ASB5: variants seen among roughly 807,000 people sequenced by gnomAD.
The protein encoded by ASB5 is ankyrin repeat and SOCS box protein 5.
A neutral mutation model predicts 42.1 loss-of-function variants in ASB5; 45 were observed. The observed-to-expected ratio is 1.07, with a 90% CI of 0.84 to 1.37. The LOEUF (loss-of-function observed/expected upper bound fraction) is 1.37. Ranked by LOEUF, ASB5 falls within the 40% of genes most tolerant of loss-of-function variation. The pLI, the probability that ASB5 is intolerant of heterozygous loss-of-function variation, is 0.00. For missense variants in ASB5, 402 were observed against 399.8 expected, an observed-to-expected ratio of 1.01 and a Z score of -0.05; for synonymous variants, 147 against 150.6, an observed-to-expected ratio of 0.98 and a Z score of 0.18.
At chr4:176,252,650 T>C (rs529798736) in intron 1 of ASB5, among the ~76,000 whole-genome samples, 2 of 152,348 alleles carry the variant, frequency 1.3e-5, no homozygotes, top group African/African-American at 4.8e-5. Context: ...AGATAATCCA[T>C]GTCTTGCTGG....
intron 1 of ASB5, among the ~76,000 whole-genome samples, chr4:176,264,124 T>C (rs1368199097): frequency 6.6e-6 from 1 of 152,158 alleles, no homozygotes; most frequent in Non-Finnish European, 1.5e-5. Flanking sequence ...TATATGATGA[T>C]TCTACATACA....
chr4:176,262,680 A>G (rs1754286396), intron 1 of ASB5, among the ~76,000 whole-genome samples: 1 of 152,186 alleles, frequency 6.6e-6, no homozygotes, highest in African/African-American at 2.4e-5. Flanking sequence ...CTGTTGGGAA[A>G]GACAGTGGTT....
chr4:176,235,981 C>A (rs1753674599), intron 1 of ASB5, among the ~76,000 whole-genome samples: 1 of 151,970 alleles, frequency 6.6e-6, no homozygotes, highest in African/African-American at 2.4e-5. Context: ...TTCTGAGTCA[C>A]TGGAATAACA....
intron 1 of ASB5, among the ~76,000 whole-genome samples, chr4:176,251,970 G>A (rs1560817909): frequency 6.6e-6 from 1 of 150,434 alleles, no homozygotes; most frequent in African/African-American, 2.5e-5. Context: ...GGAGGTTGAG[G>A]CAGGAGGATG....
intron 2 of ASB5, among the ~76,000 whole-genome samples, chr4:176,223,503 A>G (rs1390481037): frequency 6.6e-6 from 1 of 152,220 alleles, no homozygotes; most frequent in Non-Finnish European, 1.5e-5. Context: ...TGCCTTCTTG[A>G]TATCTTTGGT....
At chr4:176,260,260 T>C (rs1328197340) in intron 1 of ASB5, among the ~76,000 whole-genome samples, 1 of 152,206 alleles carries the variant, frequency 6.6e-6, no homozygotes, top group Admixed American at 6.5e-5. Flanking sequence ...CCCTAGCTTC[T>C]GAGCCCCTGA....
chr4:176,263,116 C>T (rs1381709004), intron 1 of ASB5, among the ~76,000 whole-genome samples: 3 of 152,070 alleles, frequency 2.0e-5, no homozygotes, highest in Non-Finnish European at 4.4e-5. Flanking sequence ...CTATTAGTTT[C>T]GGAGAGTTCT....
At chr4:176,234,847 A>G (rs1753646705) in intron 1 of ASB5, among the ~76,000 whole-genome samples, 1 of 152,200 alleles carries the variant, frequency 6.6e-6, no homozygotes, top group African/African-American at 2.4e-5. Flanking sequence ...GGGCAATCAT[A>G]CTTACATATT....
chr4:176,225,302 C>G lies in ASB5; in HGVS notation c.236G>C (p.Ser79Thr). Residue 79 changes from serine (S) to threonine (T), a missense_variant, in exon 2 of 7, where the codon AGT becomes ACT. Physicochemically the swap from Ser to Thr is moderately conservative, Grantham distance 58. Transcript: ENST00000296525. ...TCTCAGAGCAAGAAGGCGACCTTGA[C>G]TTGCTGCTTCATGTAGTGGTGATCG... ...ADRSPLHEAASQGRLLALRTL... is the reference protein window; with the variant it reads ...ADRSPLHEAATQGRLLALRTL... The G allele has an allele frequency of 6.2e-7, 1 of 1,614,080 alleles. No individual in the cohort carries two copies. The highest frequency in any genetic ancestry group is 8.5e-7 in the Non-Finnish European group (1 of 1,179,986).
chr4:176,271,013 C>T (rs1313661778), upstream of ASB5, among the ~76,000 whole-genome samples: 1 of 152,158 alleles, frequency 6.6e-6, no homozygotes, highest in African/African-American at 2.4e-5. Context: ...AATCAGGAGC[C>T]TGGATTCTTT....
chr4:176,259,966 A>C (rs1480361849), intron 1 of ASB5, among the ~76,000 whole-genome samples: 1 of 152,206 alleles, frequency 6.6e-6, no homozygotes, highest in East Asian at 1.9e-4. Context: ...TACATGCCTG[A>C]CAGGCCCCAA....
intron 1 of ASB5, among the ~76,000 whole-genome samples, chr4:176,258,265 G>C (rs1453497653): frequency 2.0e-5 from 3 of 152,142 alleles, no homozygotes; most frequent in African/African-American, 7.2e-5. Context: ...ATTAAACTGA[G>C]ATCTACAGAC....
chr4:176,266,212 A>G (rs1184100480), intron 1 of ASB5, among the ~76,000 whole-genome samples: 1 of 152,194 alleles, frequency 6.6e-6, no homozygotes, highest in African/African-American at 2.4e-5. Flanking sequence ...TGGGGAGGGC[A>G]TCCAGCATGT....
chr4:176,216,753 TC>T, intron 6 of ASB5, 64 bp downstream of exon 6: 1 of 1,355,810 alleles, frequency 7.4e-7, no homozygotes, highest in South Asian at 1.5e-5. Context: ...AAAAACTCTC[TC>T]ACTTTCATCT....
At chr4:176,216,384 C>T (rs1209859922) in intron 6 of ASB5, among the ~76,000 whole-genome samples, 1 of 152,092 alleles carries the variant, frequency 6.6e-6, no homozygotes, top group Non-Finnish European at 1.5e-5. Context: ...TGGAGTCTCA[C>T]TCTGTTGCCA....
intron 1 of ASB5, among the ~76,000 whole-genome samples, chr4:176,232,549 A>G (rs1753576730): frequency 6.6e-6 from 1 of 152,092 alleles, no homozygotes; most frequent in Non-Finnish European, 1.5e-5. Context: ...ACTTTTCTTA[A>G]AGGAGCCCCC....
At chr4:176,222,287 T>C (rs774524070) in intron 3 of ASB5, 26 bp downstream of exon 3, 3 of 1,557,530 alleles carry the variant, frequency 1.9e-6, no homozygotes, top group East Asian at 4.5e-5. Flanking sequence ...AGATGTTAAA[T>C]GATTAATGTT....
At chr4:176,232,283 C>T (rs1328692844) in intron 1 of ASB5, among the ~76,000 whole-genome samples, 1 of 151,978 alleles carries the variant, frequency 6.6e-6, no homozygotes, top group Non-Finnish European at 1.5e-5. Context: ...CCAACACACC[C>T]ATCTGATTTT....
intron 1 of ASB5, among the ~76,000 whole-genome samples, chr4:176,233,644 G>A (rs997349286): frequency 6.6e-6 from 1 of 152,136 alleles, no homozygotes; most frequent in African/African-American, 2.4e-5. Flanking sequence ...TTTTGGCCCA[G>A]TGTTTTTTTC....
Sources: allele counts gnomAD v4.1 joint callset (sites outside exome capture counted in the v4.1 genomes callset), GRCh38; gene constraint gnomAD v4.1.1; transcripts MANE v1.5; gene names NCBI Gene and HGNC (gene_info 2026-07-23, HGNC 2026-07-21).